Variants in KAZN observed in about 807,000 individuals in gnomAD.
The protein encoded by KAZN is kazrin.
In KAZN, 40 loss-of-function variants were observed where a neutral mutation model predicts 87.4. The observed-to-expected ratio is 0.46, with a 90% CI of 0.36 to 0.60. The LOEUF (loss-of-function observed/expected upper bound fraction) is 0.60. Among genes scored for constraint, KAZN ranks in the 20% least tolerant of loss-of-function variants. KAZN has a pLI of 0.00. For missense variants in KAZN, 898 were observed against 1,073.9 expected (o/e 0.84, Z 2.29); for synonymous variants, 466 against 458.3 (o/e 1.02, Z -0.22).
At chr1:13,995,711 G>A (rs1045094795) in intron 1 of KAZN, among the ~76,000 whole-genome samples, 5 of 152,142 alleles carry the variant, frequency 3.3e-5, no homozygotes, top group East Asian at 1.9e-4. Context: ...TCTTTCTCCC[G>A]TGTTGGATGC....
At chr1:14,596,369 T>C (rs1341189518), upstream of KAZN, among the ~76,000 whole-genome samples, 5 of 151,826 alleles carry the variant, frequency 3.3e-5, no homozygotes, top group Non-Finnish European at 7.3e-5. Flanking sequence ...CTTAACTGTT[T>C]GCTCAGAAGC....
chr1:14,336,719 A>G (rs1657297332), intron 2 of KAZN, among the ~76,000 whole-genome samples: 1 of 152,162 alleles, frequency 6.6e-6, no homozygotes, highest in African/African-American at 2.4e-5. Context: ...GATGTTGACT[A>G]TCTTTTATGT....
rs556759109 is a variant in KAZN at position 14,555,579 on chromosome 1, C to T, written c.250-43404C>T. On this transcript the variant is annotated intron_variant, in intron 2 of 16. Transcript: ENST00000636203. ...TTGACATCCCTGGAGATCAAAATGC[C>T]GTGTAGGAAAGTTGTGGTTGTAAAT... 1.8e-4 allele frequency among the ~76,000 whole-genome samples: 27 copies of T among 151,892 alleles called. No individual in the cohort carries two copies. In the South Asian group the frequency reaches 2.7e-3, roughly 15 times the overall value.
Position 14,656,854 on chromosome 1 carries a change from G to A in KAZN, c.226+57631G>A, listed in dbSNP as rs531858428. Reference sequence around the variant, plus strand: ...GAGATTACAATTCAACAGGAGATTCGGGCAGAGACACAAATTCAAACCATA... The same window carrying A: ...GAGATTACAATTCAACAGGAGATTCAGGCAGAGACACAAATTCAAACCATA... On this transcript the variant is annotated intron_variant, in intron 1 of 14. Transcript: ENST00000376030. 6.6e-5 allele frequency among the ~76,000 whole-genome samples: 10 copies of A among 152,240 alleles called. No individual in the cohort carries two copies. The South Asian group carries it at 1.7e-3, about 25-fold the overall frequency.
At chr1:14,132,657 T>C (rs751825534) in intron 1 of KAZN, among the ~76,000 whole-genome samples, 1 of 152,020 alleles carries the variant, frequency 6.6e-6, no homozygotes, top group Non-Finnish European at 1.5e-5. Flanking sequence ...ATACCACTGT[T>C]GAGCCAAAAC....
chr1:14,063,847 C>T (rs182434568), intron 1 of KAZN, among the ~76,000 whole-genome samples: 3 of 152,172 alleles, frequency 2.0e-5, no homozygotes, highest in Non-Finnish European at 2.9e-5. Flanking sequence ...GCGGCATAGG[C>T]TCTCTTGCCT....
chr1:14,853,518 G>A (rs931765981), intron 1 of KAZN, among the ~76,000 whole-genome samples: 12 of 152,176 alleles, frequency 7.9e-5, no homozygotes, highest in African/African-American at 2.7e-4. Flanking sequence ...CAGAGTGGAT[G>A]CAGGTGGTAG....
intron 1 of KAZN, among the ~76,000 whole-genome samples, chr1:14,087,961 C>T (rs1643891862): frequency 6.7e-6 from 1 of 148,226 alleles, no homozygotes; most frequent in African/African-American, 2.5e-5. Context: ...ATGGTGGACT[C>T]ATAAACTGAG....
chr1:15,086,122 G>A (rs940895372), intron 8 of KAZN, among the ~76,000 whole-genome samples: 11 of 151,762 alleles, frequency 7.2e-5, no homozygotes, highest in East Asian at 1.9e-4. Context: ...AGGCGCCCCC[G>A]ACCACGCCCG....
chr1:14,761,028 G>A (rs1644725381), intron 1 of KAZN, among the ~76,000 whole-genome samples: 1 of 152,218 alleles, frequency 6.6e-6, no homozygotes, highest in Non-Finnish European at 1.5e-5. Context: ...CCCACAGACA[G>A]TAATTCGGTG....
chr1:14,914,082 G>A (rs1423891711), intron 1 of KAZN, among the ~76,000 whole-genome samples: 5 of 152,226 alleles, frequency 3.3e-5, no homozygotes, highest in Non-Finnish European at 7.3e-5. Flanking sequence ...GCCCTCAGCT[G>A]TCACAGCAAC....
chr1:14,796,289 G>A (rs547791210), intron 1 of KAZN, among the ~76,000 whole-genome samples: 17 of 152,132 alleles, frequency 1.1e-4, no homozygotes, highest in East Asian at 1.9e-4. Context: ...ACCCACACCC[G>A]GGCTTTCCCA....
intron 2 of KAZN, among the ~76,000 whole-genome samples, chr1:14,291,098 C>T (rs1653650934): frequency 6.6e-6 from 1 of 152,192 alleles, no homozygotes; most frequent in African/African-American, 2.4e-5. Flanking sequence ...TGTCAGTCGG[C>T]CCCTACTGGG....
chr1:14,944,524 C>T (rs1661514103), intron 1 of KAZN, among the ~76,000 whole-genome samples: 1 of 152,196 alleles, frequency 6.6e-6, no homozygotes, highest in South Asian at 2.1e-4. Flanking sequence ...CCTAGGGGGA[C>T]ACGAATGAAC....
At chr1:14,835,670 G>A (rs1409998024) in intron 1 of KAZN, among the ~76,000 whole-genome samples, 2 of 152,172 alleles carry the variant, frequency 1.3e-5, no homozygotes, top group Non-Finnish European at 2.9e-5. Context: ...TGCGTTCCAA[G>A]AGCCACTTGT....
chr1:14,581,065 C>T (rs111590715), intron 2 of KAZN, among the ~76,000 whole-genome samples: 6 of 152,212 alleles, frequency 3.9e-5, no homozygotes, highest in African/African-American at 1.4e-4. Flanking sequence ...TTCATCCACT[C>T]TTGGGCCTCT....
chr1:14,906,331 C>T lies in KAZN; in HGVS notation c.227-54353C>T, dbSNP rs567229930. On this transcript the variant is annotated intron_variant, in intron 1 of 14. Transcript: ENST00000376030. ...AGTATGCTAGGTGTTTTCTTTCTCGCCCTCTCTTGCCTGAACAGGGTGACC... is the reference window on the plus strand; with the variant it reads ...AGTATGCTAGGTGTTTTCTTTCTCGTCCTCTCTTGCCTGAACAGGGTGACC... Among the ~76,000 whole-genome samples the T allele has an allele frequency of 5.9e-5, 9 of 152,214 alleles. No individual in the cohort carries two copies. In the South Asian group the frequency reaches 8.3e-4, roughly 14 times the overall value.
rs182995472 is a variant in KAZN at position 15,055,697 on chromosome 1, A to C, written c.727-394A>C. On this transcript the variant is annotated intron_variant, in intron 4 of 14. Transcript: ENST00000376030. The stretch of plus-strand genomic sequence containing the variant: ...CGGAACTTTAGGATCCCACTATATA[A>C]GATGGGGAGACCAAGAGGGACCATG... 2.7e-3 allele frequency among the ~76,000 whole-genome samples: 406 copies of C among 152,312 alleles called. 3 individuals carry two copies. Among genetic ancestry groups the C allele is most frequent in the Non-Finnish European group, 3.7e-3 (249 of 68,026 alleles).
At chr1:15,103,975 A>T (rs1641202541) in intron 12 of KAZN, 48 bp from the exon 13 acceptor site, 1 of 1,581,598 alleles carries the variant, frequency 6.3e-7, no homozygotes, top group South Asian at 1.2e-5. Context: ...CCCTTAGGCC[A>T]GCAGCATGGC....
Sources: allele counts gnomAD v4.1 joint callset (sites outside exome capture counted in the v4.1 genomes callset), GRCh38; gene constraint gnomAD v4.1.1; transcripts MANE v1.5; gene names NCBI Gene and HGNC (gene_info 2026-07-23, HGNC 2026-07-21).